Variants in TGS1 observed in about 807,000 individuals in gnomAD.
TGS1 encodes trimethylguanosine synthase 1.
A neutral mutation model predicts 92.2 loss-of-function variants in TGS1; 69 were observed. The ratio of observed to expected loss-of-function variants is 0.75; its 90% confidence interval spans 0.62 to 0.91. The LOEUF (loss-of-function observed/expected upper bound fraction) is 0.91, where lower values mean the gene tolerates loss of function less well. Ranked by LOEUF, TGS1 falls within the 40% of genes least tolerant of loss-of-function variation. The pLI is 0.00. For missense variants in TGS1, 1,062 were observed against 1,001.2 expected (o/e 1.06, Z -0.82); for synonymous variants, 345 against 338.1 (o/e 1.02, Z -0.22).
chr8:55,775,100 TA>T (rs111446070), intron 1 of TGS1, among the ~76,000 whole-genome samples: 47 of 151,880 alleles, frequency 3.1e-4, no homozygotes, highest in African/African-American at 9.9e-4. Context: ...AATTTTTTTT[TA>T]AAATTAGCCA....
chr8:55,785,672 G>A (rs758959632), intron 2 of TGS1, 47 bp from the exon 3 acceptor site: 45 of 1,359,452 alleles, frequency 3.3e-5, no homozygotes, highest in Middle Eastern at 1.9e-4. Flanking sequence ...AAGAAAACCT[G>A]CCTCTTAAGT....
At chr8:55,794,086 C>G (rs1811970059) in intron 6 of TGS1, among the ~76,000 whole-genome samples, 1 of 152,136 alleles carries the variant, frequency 6.6e-6, no homozygotes, top group Non-Finnish European at 1.5e-5. Context: ...TATCAGTTAT[C>G]CTAATTAACA....
In TGS1 at chr8:55,799,201, C is replaced by A; in HGVS notation, c.1830C>A (p.Ser610=). Residue 610 remains serine, a synonymous_variant, in exon 8 of 13, where the codon TCC becomes TCA. Coordinates refer to ENST00000260129, the MANE Select transcript of TGS1 (RefSeq NM_024831.8). ...QDCVTQEVPD[S]RQAETEAEVK... ...GTGTTACTCAAGAAGTGCCAGACTC[C>A]CGCCAGGCAGAAACTGAAGGTAACA... 6.2e-7 allele frequency: 1 copy of A among 1,609,760 alleles called. No individual in the cohort carries two copies. Among genetic ancestry groups the A allele is most frequent in the Non-Finnish European group, 8.5e-7 (1 of 1,178,216 alleles).
chr8:55,776,249 C>T (rs1355497364), intron 1 of TGS1, among the ~76,000 whole-genome samples: 1 of 151,084 alleles, frequency 6.6e-6, no homozygotes, highest in African/African-American at 2.4e-5. Flanking sequence ...TAGAAAGGAA[C>T]CGAACTGGAC....
In TGS1 at chr8:55,805,034, G is replaced by A. The variant is rs1370220672; in HGVS notation, c.2141G>A (p.Arg714Lys). 6.2e-7 allele frequency: 1 copy of A among 1,613,062 alleles called. No individual in the cohort carries two copies. The highest frequency in any genetic ancestry group is 8.5e-7 in the Non-Finnish European group (1 of 1,179,418). ...NTIQFALTGM[R>K]VIAIDIDPVK... ...ATTCAGTTTGCCTTAACAGGAATGA[G>A]AGGTAATTAGCCATCAATGGAAGTG... is the stretch of plus-strand genomic sequence containing the variant. Residue 714 changes from arginine (R) to lysine (K), a missense_variant and splice_region_variant, in exon 10 of 13, where the codon AGA becomes AAA. Coordinates refer to ENST00000260129, the MANE Select transcript of TGS1 (RefSeq NM_024831.8).
At chr8:55,795,295 T>C (rs1183455584) in intron 6 of TGS1, among the ~76,000 whole-genome samples, 1 of 152,206 alleles carries the variant, frequency 6.6e-6, no homozygotes, top group Non-Finnish European at 1.5e-5. Flanking sequence ...AAATATCCTG[T>C]TTATTAAAAG....
rs1306180104 is a variant in TGS1 at position 55,804,875 on chromosome 8, A to C, written c.2000-18A>C. On this transcript the variant is annotated intron_variant, in intron 9 of 12. Transcript: ENST00000260129. ...TCTTGAAATTGAACATGCTAACACA[A>C]ATACTCTTCCTTTGCAGAGGGCTGG... is the stretch of plus-strand genomic sequence containing the variant. 1 of 1,611,452 alleles carries C rather than the reference A, an allele frequency of 6.2e-7. No individual in the cohort carries two copies. The highest frequency in any genetic ancestry group is 1.3e-5 in the African/African-American group (1 of 74,892).
chr8:55,797,773 A>C (rs1480417972), intron 7 of TGS1, among the ~76,000 whole-genome samples: 6 of 152,244 alleles, frequency 3.9e-5, no homozygotes, highest in African/African-American at 1.2e-4. Context: ...TCTTCAGGAC[A>C]GTAGACCATA....
rs899801936 is a variant in TGS1 at position 55,773,599 on chromosome 8, G to A, written c.-20G>A. 2 of 1,600,752 alleles carry A rather than the reference G, an allele frequency of 1.2e-6. No individual in the cohort carries two copies. Among genetic ancestry groups the A allele is most frequent in the Non-Finnish European group, 1.7e-6 (2 of 1,173,402 alleles). On this transcript the variant is annotated 5_prime_UTR_variant, in exon 1 of 13. Coordinates refer to ENST00000260129, the MANE Select transcript of TGS1 (RefSeq NM_024831.8). ...CGCGACCCGGGCTGCGTACGTCAGA[G>A]CTGCCTCCGAAGTGGTAAAATGTGC...
At position 55,799,031 on chromosome 8, in the gene TGS1, A is replaced by T. The variant is rs1481600311; in HGVS notation, c.1660A>T (p.Met554Leu). The change falls in exon 8 of 13, where the codon ATG becomes TTG. Residue 554 changes from methionine (M) to leucine (L), a missense_variant. By Grantham distance (15) the Met-to-Leu change is conservative (BLOSUM62 2). Coordinates refer to ENST00000260129, the MANE Select transcript of TGS1 (RefSeq NM_024831.8). ...AAGTAGTGATTCAGAGGAACAAGACATGTCTGTTAAAAAAGGTGATGACCT... is the reference window on the plus strand; with the variant it reads ...AAGTAGTGATTCAGAGGAACAAGACTTGTCTGTTAAAAAAGGTGATGACCT... ...STSSDSEEQD[M>L]SVKKGDDLLE... is the part of the protein sequence containing the mutation. The T allele has an allele frequency of 1.2e-6, 2 of 1,614,224 alleles. No homozygotes were observed. Among genetic ancestry groups the T allele is most frequent in the Non-Finnish European group, 1.7e-6 (2 of 1,180,028 alleles).
At chr8:55,787,871 A>C (rs942339742) in intron 4 of TGS1, among the ~76,000 whole-genome samples, 1 of 152,232 alleles carries the variant, frequency 6.6e-6, no homozygotes, top group Admixed American at 6.5e-5. Context: ...GGGCATAGGC[A>C]TGCCACATGG....
intron 4 of TGS1, among the ~76,000 whole-genome samples, chr8:55,788,730 C>T (rs964211941): frequency 1.3e-5 from 2 of 152,168 alleles, no homozygotes; most frequent in Non-Finnish European, 2.9e-5. Context: ...TCCCAAAGTG[C>T]ATAGGCGTGA....
At position 55,824,607 on chromosome 8, in the gene TGS1, G is replaced by T; in HGVS notation, c.2466G>T (p.Gly822=). 6.2e-7 allele frequency: 1 copy of T among 1,614,200 alleles called. No homozygotes were observed. The highest frequency in any genetic ancestry group is 8.5e-7 in the Non-Finnish European group (1 of 1,180,020). The change falls in exon 13 of 13, where the codon GGG becomes GGT. Residue 822 remains glycine (G), a synonymous_variant. Coordinates refer to ENST00000260129, the MANE Select transcript of TGS1 (RefSeq NM_024831.8). ...DQVASLAGPG[G]QVEIEQNFLN... ...TGGCATCCTTAGCTGGGCCTGGAGG[G>T]CAAGTGGAAATAGAACAGAACTTCC...
chr8:55,821,020 T>C lies in TGS1; in HGVS notation c.2440-3561T>C, dbSNP rs376073099. On this transcript the variant is annotated intron_variant, in intron 12 of 12. Coordinates refer to ENST00000260129, the MANE Select transcript of TGS1 (RefSeq NM_024831.8). The stretch of plus-strand genomic sequence containing the variant: ...TTATTTGCTTGAACTACTAAATTTA[T>C]AAGTCTTTCCAACTCCAAAATTCTA... Among the ~76,000 whole-genome samples the C allele has an allele frequency of 9.8e-5, 15 of 152,378 alleles. No homozygotes were observed. In the East Asian group the frequency reaches 2.1e-3, roughly 22 times the overall value.
chr8:55,779,707 T>C (rs890006763), intron 1 of TGS1, among the ~76,000 whole-genome samples: 2 of 152,120 alleles, frequency 1.3e-5, no homozygotes, highest in African/African-American at 4.8e-5. Flanking sequence ...GTTGAGAAGA[T>C]TTCTCAACTC....
chr8:55,794,417 A>G (rs937984907), intron 6 of TGS1, among the ~76,000 whole-genome samples: 9 of 152,120 alleles, frequency 5.9e-5, no homozygotes, highest in African/African-American at 1.9e-4. Flanking sequence ...AATTTGCTCA[A>G]CCATGCAACA....
intron 11 of TGS1, 50 bp downstream of exon 11, chr8:55,811,147 A>T: frequency 8.7e-7 from 1 of 1,146,384 alleles, no homozygotes; most frequent in Non-Finnish European, 1.2e-6. Context: ...TTGTGGAGAG[A>T]AAGGAGCATG....
At chr8:55,803,402 GT>G in intron 9 of TGS1, among the ~76,000 whole-genome samples, 1 of 152,208 alleles carries the variant, frequency 6.6e-6, no homozygotes, top group Admixed American at 6.5e-5. Flanking sequence ...CTAAATATTG[GT>G]TTTTATTAAC....
At chr8:55,790,071 T>G (rs1811831721) in intron 4 of TGS1, 111 bp from the exon 5 acceptor site, 1 of 742,726 alleles carries the variant, frequency 1.3e-6, no homozygotes, top group Non-Finnish European at 2.4e-6. Flanking sequence ...TTGATGCACA[T>G]GTACAGTTCA....
Sources: allele counts gnomAD v4.1 joint callset (sites outside exome capture counted in the v4.1 genomes callset), GRCh38; gene constraint gnomAD v4.1.1; transcripts MANE v1.5; gene names NCBI Gene and HGNC (gene_info 2026-07-23, HGNC 2026-07-21).